Variants in GAB2 observed in about 807,000 individuals in gnomAD.
GAB2 encodes the protein GRB2 associated binding protein 2, also known as GRB2-associated-binding protein 2.
A neutral mutation model predicts 65.5 loss-of-function variants in GAB2; 26 were observed. That is an observed-to-expected ratio of 0.40 (90% CI 0.29 to 0.55). The LOEUF is 0.55. Among genes scored for constraint, GAB2 ranks in the 20% least tolerant of loss-of-function variants. The pLI is 0.53. For missense variants in GAB2, 884 were observed against 875.8 expected (o/e 1.01, Z -0.12); for synonymous variants, 321 against 329.6 (o/e 0.97, Z 0.28).
At chr11:78,315,733 C>T (rs923526212) in intron 1 of GAB2, among the ~76,000 whole-genome samples, 1 of 152,144 alleles carries the variant, frequency 6.6e-6, no homozygotes, top group Non-Finnish European at 1.5e-5. Flanking sequence ...AGACAATCCA[C>T]TGAATGGAAG....
intron 1 of GAB2, among the ~76,000 whole-genome samples, chr11:78,352,409 C>T (rs1856292493): frequency 6.6e-6 from 1 of 152,230 alleles, no homozygotes. Flanking sequence ...CAGAGCTCAG[C>T]AGGGCTTCAC....
At chr11:78,277,495 G>A (rs1222196482) in intron 2 of GAB2, among the ~76,000 whole-genome samples, 1 of 152,190 alleles carries the variant, frequency 6.6e-6, no homozygotes, top group African/African-American at 2.4e-5. Flanking sequence ...CCTGAAACTG[G>A]TGATCAGCAG....
At chr11:78,299,642 A>G (rs1866937474) in intron 1 of GAB2, among the ~76,000 whole-genome samples, 1 of 152,248 alleles carries the variant, frequency 6.6e-6, no homozygotes, top group Non-Finnish European at 1.5e-5. Context: ...TTCCCTGGTC[A>G]CAGTATTCTA....
Position 78,377,725 on chromosome 11 carries a change from A to T in GAB2, c.75+39921T>A, listed in dbSNP as rs117720633. On this transcript the variant is annotated intron_variant, in intron 1 of 9. Coordinates refer to ENST00000361507, the MANE Select transcript of GAB2 (RefSeq NM_080491.3). ...TCTATCGCACAGTATTGTAGCAAAG[A>T]TTAAATGAGATGCAATCGGCTCATA... 9.7e-3 allele frequency among the ~76,000 whole-genome samples: 1,470 copies of T among 152,322 alleles called. 28 individuals are homozygous for T. The highest frequency in any genetic ancestry group is 0.061 in the South Asian group (297 of 4,832).
intron 1 of GAB2, among the ~76,000 whole-genome samples, chr11:78,403,119 T>G (rs1045244622): frequency 2.6e-5 from 4 of 152,212 alleles, no homozygotes; most frequent in African/African-American, 9.6e-5. Flanking sequence ...CTCCAGAGCT[T>G]TTAGAAGTAA....
At chr11:78,413,851 G>A (rs545529879) in intron 1 of GAB2, among the ~76,000 whole-genome samples, 1 of 152,264 alleles carries the variant, frequency 6.6e-6, no homozygotes, top group Non-Finnish European at 1.5e-5. Context: ...CACTGTGGGA[G>A]GCCGAGGCGG....
chr11:78,403,390 T>C (rs546793101), intron 1 of GAB2, among the ~76,000 whole-genome samples: 2 of 152,330 alleles, frequency 1.3e-5, no homozygotes, highest in African/African-American at 4.8e-5. Context: ...AATGGCTACC[T>C]TTTTGCAAAT....
At chr11:78,339,935 A>C (rs1856065503) in intron 1 of GAB2, among the ~76,000 whole-genome samples, 1 of 152,232 alleles carries the variant, frequency 6.6e-6, no homozygotes, top group African/African-American at 2.4e-5. Flanking sequence ...GCTCCAATGA[A>C]TGAATCCTTC....
intron 1 of GAB2, among the ~76,000 whole-genome samples, chr11:78,316,939 G>A (rs1235490968): frequency 1.3e-5 from 2 of 152,176 alleles, no homozygotes; most frequent in Non-Finnish European, 2.9e-5. Flanking sequence ...GCATACAATG[G>A]AATACTATTC....
intron 1 of GAB2, among the ~76,000 whole-genome samples, chr11:78,327,581 G>A (rs1387070551): frequency 6.6e-6 from 1 of 152,166 alleles, no homozygotes; most frequent in East Asian, 1.9e-4. Flanking sequence ...ACCATTGAAT[G>A]TTTCTAGAGC....
At chr11:78,366,773 C>T (rs375767182) in intron 1 of GAB2, among the ~76,000 whole-genome samples, 1 of 147,882 alleles carries the variant, frequency 6.8e-6, no homozygotes, top group Non-Finnish European at 1.5e-5. Flanking sequence ...ACTATGATGG[C>T]GAATAGAATG....
intron 2 of GAB2, among the ~76,000 whole-genome samples, chr11:78,266,978 C>A (rs1040963476): frequency 3.3e-5 from 5 of 152,208 alleles, no homozygotes; most frequent in Admixed American, 6.5e-5. Flanking sequence ...AAAAGAGAAG[C>A]AGATTTTTTT....
chr11:78,223,513 A>G lies in GAB2; in HGVS notation c.1466T>C (p.Leu489Pro). 2 of 1,612,458 alleles carry G rather than the reference A, an allele frequency of 1.2e-6. No individual in the cohort carries two copies. Among genetic ancestry groups the G allele is most frequent in the Non-Finnish European group, 1.7e-6 (2 of 1,179,254 alleles). ...MSPGAHHFDSLGYPSTTLPVH... is the reference protein window; with the variant it reads ...MSPGAHHFDSPGYPSTTLPVH... ...AGGAAGGGTTGTTGATGGGTAGCCA[A>G]GTGAGTCAAAGTGATGGGCCCCTGG... Residue 489 changes from leucine to proline, a missense_variant, in exon 6 of 10, where the codon CTT (leucine) becomes CCT (proline). Transcript: ENST00000361507.
At chr11:78,371,013 C>CA (rs1415168301) in intron 1 of GAB2, among the ~76,000 whole-genome samples, 1 of 152,144 alleles carries the variant, frequency 6.6e-6, no homozygotes, top group Non-Finnish European at 1.5e-5. Flanking sequence ...ATGGACTTAA[C>CA]AGAGACCAAA....
At chr11:78,358,570 ACTT>A (rs945531017) in intron 1 of GAB2, among the ~76,000 whole-genome samples, 4 of 151,766 alleles carry the variant, frequency 2.6e-5, no homozygotes, top group African/African-American at 9.6e-5. Context: ...AATTCATGAT[ACTT>A]CAAGTGAAGA....
At position 78,217,377 on chromosome 11, in the gene GAB2, TAGG is replaced by T. The variant is rs1319616472; in HGVS notation, c.*1892_*1894del. The T allele has an allele frequency of 6.6e-6, 1 of 152,198 alleles. No homozygotes were observed. The highest frequency in any genetic ancestry group is 1.5e-5 in the Non-Finnish European group (1 of 68,070). 9.4% of individuals were successfully genotyped at this position (152,198 alleles called of 1,614,324 possible). A position where few individuals can be genotyped will look rare whatever the true frequency, so the allele number is the denominator to read the frequency against. On this transcript the variant is annotated 3_prime_UTR_variant, in exon 10 of 10. Transcript: ENST00000361507. ...TCCTTGAGTTGATCTAAACTAATGCTAGGAGGAGAGGTGCAGCTCTTGAAGAAA... is the reference window on the plus strand; with the variant it reads ...TCCTTGAGTTGATCTAAACTAATGCTAGGAGAGGTGCAGCTCTTGAAGAAA...
intron 1 of GAB2, among the ~76,000 whole-genome samples, chr11:78,368,948 T>C (rs574795990): frequency 6.6e-6 from 1 of 151,760 alleles, no homozygotes; most frequent in South Asian, 2.1e-4. Context: ...AATTTTTTAA[T>C]TTGTTTAAAA....
chr11:78,300,523 A>AAAAC (rs1866969696), intron 1 of GAB2, among the ~76,000 whole-genome samples: 1 of 146,864 alleles, frequency 6.8e-6, no homozygotes, highest in African/African-American at 2.5e-5. Flanking sequence ...TTATAAAAAA[A>AAAAC]CAAAAAAACA....
At chr11:78,405,094 T>A (rs980338319) in intron 1 of GAB2, among the ~76,000 whole-genome samples, 994 of 82,320 alleles carry the variant, frequency 0.012, 10 homozygotes, top group African/African-American at 0.057. Context: ...AACATGGATT[T>A]TTTTTTTTTT....
Sources: allele counts gnomAD v4.1 joint callset (sites outside exome capture counted in the v4.1 genomes callset), GRCh38; gene constraint gnomAD v4.1.1; transcripts MANE v1.5; gene names NCBI Gene and HGNC (gene_info 2026-07-23, HGNC 2026-07-21).